RBMS3: variants seen among roughly 807,000 people sequenced by gnomAD.
RBMS3 encodes the protein RNA binding motif single stranded interacting protein 3.
A neutral mutation model predicts 66.8 loss-of-function variants in RBMS3; 27 were observed. The ratio of observed to expected loss-of-function variants is 0.40; its 90% CI spans 0.30 to 0.56. The LOEUF is 0.56. RBMS3 is among the 20% of genes least tolerant of loss of function. The pLI, the probability that RBMS3 is intolerant of heterozygous loss-of-function variation, is 0.40. For missense variants in RBMS3, 513 were observed against 549.5 expected, an observed-to-expected ratio of 0.93 and a Z score of 0.66; for synonymous variants, 188 against 183.0, an observed-to-expected ratio of 1.03 and a Z score of -0.22.
chr3:29,614,591 T>C (rs1472248758), intron 4 of RBMS3: 3 of 152,118 alleles, frequency 2.0e-5, no homozygotes, highest in Non-Finnish European at 4.4e-5. Context: ...GTTGATACAA[T>C]AAATCAATGG....
At chr3:29,688,071 C>T (rs970672133) in intron 4 of RBMS3, among the ~76,000 whole-genome samples, 1 of 152,138 alleles carries the variant, frequency 6.6e-6, no homozygotes, top group Admixed American at 6.5e-5. Context: ...CCCAGCTCTA[C>T]TCCAATTGCA....
At chr3:29,821,072 C>G (rs1028605477) in intron 6 of RBMS3, among the ~76,000 whole-genome samples, 1 of 152,112 alleles carries the variant, frequency 6.6e-6, no homozygotes, top group African/African-American at 2.4e-5. Flanking sequence ...AAATGTGAAT[C>G]CAAGTTCATA....
At chr3:29,351,209 C>T (rs890160229) in intron 1 of RBMS3, among the ~76,000 whole-genome samples, 4 of 152,158 alleles carry the variant, frequency 2.6e-5, no homozygotes, top group South Asian at 2.1e-4. Flanking sequence ...CAAATAATGA[C>T]GTGATGAACA....
intron 6 of RBMS3, chr3:29,766,784 G>A (rs1382379632): frequency 6.6e-6 from 1 of 151,908 alleles, no homozygotes; most frequent in Non-Finnish European, 1.5e-5. Context: ...TATACAGGAA[G>A]TTAACAAAGA....
chr3:29,586,704 G>T (rs951234258), intron 3 of RBMS3, among the ~76,000 whole-genome samples: 1 of 152,044 alleles, frequency 6.6e-6, no homozygotes, highest in African/African-American at 2.4e-5. Context: ...TCTTATCATG[G>T]TTTTTGTTAA....
At chr3:29,653,505 A>G (rs1165114771) in intron 4 of RBMS3, among the ~76,000 whole-genome samples, 1 of 152,124 alleles carries the variant, frequency 6.6e-6, no homozygotes, top group African/African-American at 2.4e-5. Context: ...ACACGCAGTG[A>G]TATCAGAATT....
At chr3:29,993,452 G>A (rs540952127) in intron 14 of RBMS3, among the ~76,000 whole-genome samples, 2 of 152,302 alleles carry the variant, frequency 1.3e-5, no homozygotes, top group East Asian at 3.9e-4. Context: ...CTGAGCCACA[G>A]GGTACCCATA....
intron 1 of RBMS3, among the ~76,000 whole-genome samples, chr3:29,304,107 C>A (rs1185498950): frequency 6.6e-6 from 1 of 151,830 alleles, no homozygotes; most frequent in Non-Finnish European, 1.5e-5. Flanking sequence ...GGACACAGAG[C>A]CAAACCATAT....
At chr3:29,922,192 C>G (rs1272814159) in intron 10 of RBMS3, among the ~76,000 whole-genome samples, 2 of 152,128 alleles carry the variant, frequency 1.3e-5, no homozygotes, top group South Asian at 2.1e-4. Context: ...TATTTCACAG[C>G]AAGATATAAC....
chr3:29,985,521 G>T (rs1698320188), intron 12 of RBMS3, among the ~76,000 whole-genome samples: 1 of 152,180 alleles, frequency 6.6e-6, no homozygotes, highest in African/African-American at 2.4e-5. Context: ...TGTGAAGACT[G>T]TGAGAAAAGG....
chr3:29,828,942 T>C (rs752993763), intron 6 of RBMS3, among the ~76,000 whole-genome samples: 2 of 152,058 alleles, frequency 1.3e-5, no homozygotes. Flanking sequence ...TGAAGAAATG[T>C]GTGTCTTTGG....
At chr3:29,725,060 A>G (rs1199992350) in intron 4 of RBMS3, among the ~76,000 whole-genome samples, 1 of 152,220 alleles carries the variant, frequency 6.6e-6, no homozygotes, top group Non-Finnish European at 1.5e-5. Context: ...AATGTGCCCA[A>G]GTCAAGAGAT....
chr3:29,517,644 CAG>C (rs1244908755), intron 3 of RBMS3, among the ~76,000 whole-genome samples: 6 of 152,120 alleles, frequency 3.9e-5, no homozygotes, highest in Non-Finnish European at 8.8e-5. Context: ...CATATTCTTG[CAG>C]AGACAGTTGT....
intron 2 of RBMS3, among the ~76,000 whole-genome samples, chr3:29,451,660 G>C (rs2042022040): frequency 6.6e-6 from 1 of 152,070 alleles, no homozygotes; most frequent in African/African-American, 2.4e-5. Context: ...AAAACCACTG[G>C]GGAAGGAAGG....
intron 2 of RBMS3, among the ~76,000 whole-genome samples, chr3:29,456,591 G>C (rs1019762064): frequency 6.6e-6 from 1 of 152,096 alleles, no homozygotes; most frequent in Non-Finnish European, 1.5e-5. Context: ...ACAATATCAG[G>C]ATTCATTAAG....
rs562043580 is a variant in RBMS3, at chr3:29,995,568, A to G, written c.1307+4359A>G. On this transcript the variant is annotated intron_variant, in intron 14 of 14. Coordinates refer to ENST00000383767, the MANE Select transcript of RBMS3 (RefSeq NM_001003793.3). ...CCATCAGACTAACAGCGGATCTCTCAGCAGAAACTCTACTACAAGCCAGAA... is the reference window on the plus strand; with the variant it reads ...CCATCAGACTAACAGCGGATCTCTCGGCAGAAACTCTACTACAAGCCAGAA... Among the ~76,000 whole-genome samples the G allele has an allele frequency of 1.5e-3, 220 of 146,642 alleles. 3 individuals are homozygous for G. Among genetic ancestry groups the G allele is most frequent in the Non-Finnish European group, 2.5e-3 (165 of 65,058 alleles).
At chr3:29,827,414 C>T (rs755491464) in intron 6 of RBMS3, among the ~76,000 whole-genome samples, 21 of 152,078 alleles carry the variant, frequency 1.4e-4, no homozygotes, top group Non-Finnish European at 2.5e-4. Context: ...TGAAAATTAT[C>T]GCCTTGTTTT....
intron 4 of RBMS3, among the ~76,000 whole-genome samples, chr3:29,618,994 G>T (rs570656739): frequency 6.6e-6 from 1 of 152,138 alleles, no homozygotes; most frequent in Non-Finnish European, 1.5e-5. Context: ...ATCTTCTCCA[G>T]TGTGTGAGAG....
At chr3:29,605,179 C>T (rs1286068530) in intron 4 of RBMS3, among the ~76,000 whole-genome samples, 2 of 151,428 alleles carry the variant, frequency 1.3e-5, no homozygotes, top group African/African-American at 4.8e-5. Flanking sequence ...AATCTGAAAA[C>T]AAGTTATGGA....
Sources: allele counts gnomAD v4.1 joint callset (sites outside exome capture counted in the v4.1 genomes callset), GRCh38; gene constraint gnomAD v4.1.1; transcripts MANE v1.5; gene names NCBI Gene and HGNC (gene_info 2026-07-23, HGNC 2026-07-21).